SEMA6D: variants seen among roughly 807,000 people sequenced by gnomAD.
SEMA6D encodes semaphorin 6D.
Under a neutral mutation model 106.6 loss-of-function variants are expected in SEMA6D, and 35 were observed. That is an observed-to-expected ratio of 0.33 (90% CI 0.25 to 0.44). SEMA6D has a LOEUF of 0.44. Among genes scored for constraint, SEMA6D ranks in the 20% least tolerant of loss-of-function variants. The pLI is 1.00. For synonymous variants in SEMA6D, 499 were observed against 487.7 expected, an observed-to-expected ratio of 1.02 and a Z score of -0.31; for missense variants, 1,185 against 1,345.9, an observed-to-expected ratio of 0.88 and a Z score of 1.87.
rs1191118512 is a variant in SEMA6D, at chr15:47,193,970, T to TTTAACA, written c.-239+9552_-239+9553insTTAACA. ...GATTTTAAATTCTGTGAAACAAGGA[T>TTTAACA]AATGTCTGTTGTGATTACATTTGTT... On this transcript the variant is annotated intron_variant, in intron 1 of 19. Transcript: ENST00000558014. 2.0e-5 allele frequency among the ~76,000 whole-genome samples: 3 copies of TTTAACA among 152,240 alleles called. No homozygotes were observed. The East Asian group carries it at 5.8e-4, about 29-fold the overall frequency.
chr15:47,328,842 CTT>C (rs980704792), intron 1 of SEMA6D, among the ~76,000 whole-genome samples: 33 of 152,292 alleles, frequency 2.2e-4, no homozygotes, highest in African/African-American at 7.9e-4. Flanking sequence ...GGAAAACAGT[CTT>C]ATATCTTTCT....
chr15:47,482,755 T>G (rs186932346), intron 3 of SEMA6D, among the ~76,000 whole-genome samples: 11 of 152,278 alleles, frequency 7.2e-5, no homozygotes, highest in Admixed American at 6.5e-4. Context: ...GTGGGAGGAT[T>G]TCTTGTTTTG....
intron 1 of SEMA6D, among the ~76,000 whole-genome samples, chr15:47,743,402 G>A (rs1019758301): frequency 6.6e-6 from 1 of 152,054 alleles, no homozygotes; most frequent in Non-Finnish European, 1.5e-5. Flanking sequence ...TCTTGAGAAG[G>A]CACAGGGTCG....
At chr15:47,487,745 A>G (rs1403940385) in intron 3 of SEMA6D, among the ~76,000 whole-genome samples, 2 of 152,198 alleles carry the variant, frequency 1.3e-5, no homozygotes, top group East Asian at 3.9e-4. Flanking sequence ...ACAGTGCTTC[A>G]CTGACCATCC....
intron 8 of SEMA6D, among the ~76,000 whole-genome samples, chr15:47,762,692 G>A (rs760444772): frequency 6.6e-6 from 1 of 152,200 alleles, no homozygotes; most frequent in Non-Finnish European, 1.5e-5. Context: ...TCAGAGTCTA[G>A]AAATCAAGAT....
At chr15:47,386,675 G>A (rs190628594) in intron 1 of SEMA6D, among the ~76,000 whole-genome samples, 2 of 152,258 alleles carry the variant, frequency 1.3e-5, no homozygotes, top group East Asian at 1.9e-4. Context: ...GTTACCTATG[G>A]GAAGTGTGAC....
chr15:47,325,418 C>T (rs1300209200), intron 1 of SEMA6D, among the ~76,000 whole-genome samples: 2 of 151,812 alleles, frequency 1.3e-5, no homozygotes, highest in Non-Finnish European at 2.9e-5. Flanking sequence ...GGTGATCGCC[C>T]GCCTTGGCCT....
chr15:47,395,825 C>T (rs2145896027), intron 1 of SEMA6D: 1 of 152,294 alleles, frequency 6.6e-6, no homozygotes, highest in Admixed American at 6.5e-5. Flanking sequence ...TCACCTACAT[C>T]TCATTTGTAC....
intron 4 of SEMA6D, among the ~76,000 whole-genome samples, chr15:47,679,504 C>T (rs998981781): frequency 6.6e-6 from 1 of 152,152 alleles, no homozygotes; most frequent in Non-Finnish European, 1.5e-5. Flanking sequence ...GCCTGGTTTC[C>T]CAGGAGCTTC....
At chr15:47,355,512 AAGAG>A (rs1701643272) in intron 1 of SEMA6D, among the ~76,000 whole-genome samples, 1 of 152,164 alleles carries the variant, frequency 6.6e-6, no homozygotes, top group Non-Finnish European at 1.5e-5. Context: ...ATGTGTGAGA[AAGAG>A]AAAGAGAGAG....
At chr15:47,718,262 G>T (rs995827831) in intron 1 of SEMA6D, among the ~76,000 whole-genome samples, 2 of 152,176 alleles carry the variant, frequency 1.3e-5, no homozygotes, top group Admixed American at 1.3e-4. Flanking sequence ...ACGCTGGGAC[G>T]CCCGGGGTCT....
At chr15:47,354,389 A>AAT (rs1228662710) in intron 1 of SEMA6D, among the ~76,000 whole-genome samples, 3 of 106,850 alleles carry the variant, frequency 2.8e-5, no homozygotes, top group Non-Finnish European at 3.9e-5. Flanking sequence ...ATATATATGG[A>AAT]ATATATATAT....
chr15:47,759,936 T>C (rs1361022501), intron 2 of SEMA6D, 29 bp downstream of exon 2: 2 of 1,478,662 alleles, frequency 1.4e-6, no homozygotes, highest in Non-Finnish European at 1.9e-6. Flanking sequence ...AGTCTTCTAT[T>C]CTGAGAAGGA....
At chr15:47,322,483 T>C (rs966041329) in intron 1 of SEMA6D, among the ~76,000 whole-genome samples, 1 of 152,146 alleles carries the variant, frequency 6.6e-6, no homozygotes, top group African/African-American at 2.4e-5. Flanking sequence ...TACTTTCTCA[T>C]CATTAGATTG....
chr15:47,727,857 A>G lies in SEMA6D; in HGVS notation c.-55+10165A>G, dbSNP rs182539671. 6.6e-5 allele frequency among the ~76,000 whole-genome samples: 10 copies of G among 152,324 alleles called. No individual in the cohort carries two copies. The East Asian group carries it at 1.9e-3, about 29-fold the overall frequency. On this transcript the variant is annotated intron_variant, in intron 1 of 18. Coordinates refer to ENST00000536845, the MANE Select transcript of SEMA6D (RefSeq NM_001358351.3). Reference sequence around the variant, plus strand: ...ACTTCATGCTTCAGGGCATAAGGTGATTGCCTGCTGCGGTCAGGATGGAAT... The same window carrying G: ...ACTTCATGCTTCAGGGCATAAGGTGGTTGCCTGCTGCGGTCAGGATGGAAT...
chr15:47,663,703 G>A (rs546335496), intron 4 of SEMA6D, among the ~76,000 whole-genome samples: 2 of 152,300 alleles, frequency 1.3e-5, no homozygotes, highest in East Asian at 3.9e-4. Context: ...GCCTGTGAAT[G>A]TAATTCGAAA....
At chr15:47,743,286 T>C (rs2080925376) in intron 1 of SEMA6D, among the ~76,000 whole-genome samples, 1 of 152,230 alleles carries the variant, frequency 6.6e-6, no homozygotes. Context: ...ATTTAATATG[T>C]TGGTGCGTGT....
At chr15:47,414,064 T>C (rs1595937062) in intron 2 of SEMA6D, among the ~76,000 whole-genome samples, 1 of 152,310 alleles carries the variant, frequency 6.6e-6, no homozygotes, top group Non-Finnish European at 1.5e-5. Flanking sequence ...AAAATCTATT[T>C]ATGGAACAAT....
chr15:47,373,575 C>T (rs1432300901), intron 1 of SEMA6D, among the ~76,000 whole-genome samples: 1 of 152,120 alleles, frequency 6.6e-6, no homozygotes, highest in Non-Finnish European at 1.5e-5. Context: ...TCCCCTATCC[C>T]ACTTTTCTAA....
Sources: allele counts gnomAD v4.1 joint callset (sites outside exome capture counted in the v4.1 genomes callset), GRCh38; gene constraint gnomAD v4.1.1; transcripts MANE v1.5; gene names NCBI Gene and HGNC (gene_info 2026-07-23, HGNC 2026-07-21).